The following WWOX variants were observed in gnomAD, a reference collection of about 807,000 sequenced individuals.
The protein encoded by WWOX is WW domain-containing oxidoreductase.
In WWOX, 69 loss-of-function variants were observed where a neutral mutation model predicts 46.2. That is an observed-to-expected ratio of 1.49 (90% CI 1.23 to 1.82). WWOX has a LOEUF of 1.82. Ranked by LOEUF, WWOX falls within the 40% of genes most tolerant of loss-of-function variation. The pLI is 0.00. For synonymous variants in WWOX, 359 were observed against 202.6 expected, an observed-to-expected ratio of 1.77 and a Z score of -6.56; for missense variants, 919 against 542.6, an observed-to-expected ratio of 1.69 and a Z score of -6.89.
At chr16:79,021,017 A>T (rs529603032) in intron 8 of WWOX, among the ~76,000 whole-genome samples, 1 of 152,214 alleles carries the variant, frequency 6.6e-6, no homozygotes, top group Non-Finnish European at 1.5e-5. Context: ...GTGGAAGACC[A>T]AGAGGATACA....
At chr16:78,315,386 A>C in intron 5 of WWOX, among the ~76,000 whole-genome samples, 1 of 152,158 alleles carries the variant, frequency 6.6e-6, no homozygotes, top group East Asian at 1.9e-4. Flanking sequence ...AGGTGGCTCA[A>C]GCCTGTAATC....
chr16:78,634,833 AG>A (rs1302291923), intron 8 of WWOX, among the ~76,000 whole-genome samples: 1 of 111,278 alleles, frequency 9.0e-6, no homozygotes, highest in Non-Finnish European at 1.9e-5. Flanking sequence ...AGAGAGAGAG[AG>A]AGAGTGTGTG....
intron 8 of WWOX, among the ~76,000 whole-genome samples, chr16:78,930,561 G>C (rs886596381): frequency 6.7e-6 from 1 of 150,250 alleles, no homozygotes; most frequent in African/African-American, 2.4e-5. Flanking sequence ...AAAGTGCTGG[G>C]ATCACAGGCA....
chr16:78,388,162 C>G (rs542298484), intron 6 of WWOX, among the ~76,000 whole-genome samples: 17 of 152,180 alleles, frequency 1.1e-4, no homozygotes, highest in Non-Finnish European at 1.9e-4. Context: ...TCCTGAGTAG[C>G]TGGGACTACA....
At chr16:78,860,454 G>T (rs936001029) in intron 8 of WWOX, among the ~76,000 whole-genome samples, 1 of 152,082 alleles carries the variant, frequency 6.6e-6, no homozygotes. Context: ...GAATTGGCTA[G>T]ACTTTGATTT....
chr16:78,571,034 G>T (rs1036629162), intron 8 of WWOX, among the ~76,000 whole-genome samples: 1 of 152,160 alleles, frequency 6.6e-6, no homozygotes, highest in Non-Finnish European at 1.5e-5. Flanking sequence ...CATGTAATCT[G>T]TGATTTTTAA....
intron 8 of WWOX, among the ~76,000 whole-genome samples, chr16:79,128,731 A>G (rs1264725560): frequency 3.3e-5 from 5 of 152,200 alleles, no homozygotes; most frequent in African/African-American, 1.2e-4. Flanking sequence ...AGGTTTGAAA[A>G]GTGCATTTGT....
chr16:78,996,236 C>G (rs1037142899), intron 8 of WWOX: 1 of 984,954 alleles, frequency 1.0e-6, no homozygotes, highest in African/African-American at 1.8e-5. Context: ...AAGAAGTAAC[C>G]TTGAAAAGGG....
intron 8 of WWOX, among the ~76,000 whole-genome samples, chr16:78,822,890 G>A (rs527905742): frequency 8.2e-5 from 12 of 146,190 alleles, no homozygotes; most frequent in African/African-American, 2.8e-4. Context: ...TTCCTAGCAA[G>A]AAACATCATA....
Position 79,212,549 on chromosome 16 carries a change from CGTTA to C in WWOX, c.*758_*761del, listed in dbSNP as rs145925570. ...ATATTTTGGGGGGCAGAGAATAAAA[CGTTA>C]GTTAATCCCTTTGTCTGTCAATCAC... On this transcript the variant is annotated 3_prime_UTR_variant, in exon 9 of 9. Transcript: ENST00000566780. 15 of 169,218 alleles carry C rather than the reference CGTTA, an allele frequency of 8.9e-5. No homozygotes were observed. Among genetic ancestry groups the C allele is most frequent in the African/African-American group, 2.6e-4 (11 of 41,976 alleles). 10.5% of individuals were successfully genotyped at this position (169,218 alleles called of 1,614,324 possible). A position where few individuals can be genotyped will look rare whatever the true frequency, so the allele number is the denominator to read the frequency against.
At chr16:78,572,880 C>T (rs1052255681) in intron 8 of WWOX, among the ~76,000 whole-genome samples, 3 of 152,078 alleles carry the variant, frequency 2.0e-5, no homozygotes. Flanking sequence ...GTGACAGGTA[C>T]CTAGGTAGTC....
chr16:78,521,315 C>T (rs1949311579), intron 8 of WWOX, among the ~76,000 whole-genome samples: 1 of 152,110 alleles, frequency 6.6e-6, no homozygotes, highest in African/African-American at 2.4e-5. Flanking sequence ...CCTCAGCCTC[C>T]CAAAGTGCTG....
chr16:78,218,319 G>A lies in WWOX; in HGVS notation c.516+54030G>A, dbSNP rs184751942. ...TTCCCAGGCTGGGCTCAAACTCCTG[G>A]GTTTAAGCAGTCCTCCTCCAGCCTC... On this transcript the variant is annotated intron_variant, in intron 5 of 8. Coordinates refer to ENST00000566780, the MANE Select transcript of WWOX (RefSeq NM_016373.4). 1.1e-4 allele frequency among the ~76,000 whole-genome samples: 17 copies of A among 152,064 alleles called. No homozygotes were observed. In the East Asian group the frequency reaches 2.7e-3, roughly 24 times the overall value.
chr16:79,194,063 TTCTGTGTGTGTGTG>T (rs890025302), intron 8 of WWOX, among the ~76,000 whole-genome samples: 4 of 152,150 alleles, frequency 2.6e-5, no homozygotes, highest in East Asian at 1.9e-4. Flanking sequence ...GTTATGAAGA[TTCTGTGTGTGTGTG>T]TCTGTGTGTG....
At chr16:78,446,378 G>C (rs554361054) in intron 8 of WWOX, among the ~76,000 whole-genome samples, 16 of 152,220 alleles carry the variant, frequency 1.1e-4, no homozygotes, top group African/African-American at 3.6e-4. Flanking sequence ...GAAGTCTCAG[G>C]TCCTTGTCTG....
intron 8 of WWOX, among the ~76,000 whole-genome samples, chr16:79,124,384 G>A (rs1442503686): frequency 2.0e-5 from 3 of 152,136 alleles, no homozygotes; most frequent in East Asian, 3.9e-4. Context: ...AAACCATAGA[G>A]AAGTATAAGT....
intron 8 of WWOX, among the ~76,000 whole-genome samples, chr16:78,478,910 A>T (rs1009797171): frequency 6.6e-6 from 1 of 152,122 alleles, no homozygotes; most frequent in South Asian, 2.1e-4. Context: ...CATTTCCAGT[A>T]TTTAATTTGG....
chr16:78,915,719 T>A (rs990226391), intron 8 of WWOX, among the ~76,000 whole-genome samples: 7 of 152,152 alleles, frequency 4.6e-5, no homozygotes, highest in Admixed American at 4.6e-4. Flanking sequence ...TTGCACCAGT[T>A]CTCATCCCGT....
intron 8 of WWOX, among the ~76,000 whole-genome samples, chr16:78,619,231 G>A (rs1226100465): frequency 1.9e-5 from 2 of 103,478 alleles, no homozygotes; most frequent in African/African-American, 7.5e-5. Flanking sequence ...ATGCATGGGG[G>A]CCTGCCCTTG....
Sources: allele counts gnomAD v4.1 joint callset (sites outside exome capture counted in the v4.1 genomes callset), GRCh38; gene constraint gnomAD v4.1.1; transcripts MANE v1.5; gene names NCBI Gene and HGNC (gene_info 2026-07-23, HGNC 2026-07-21).